The following UGT2A1 variants were observed in gnomAD, a reference collection of about 807,000 sequenced individuals.
UGT2A1 encodes UDP-glucuronosyltransferase 2A1.
In UGT2A1, 61 loss-of-function variants were observed where a neutral mutation model predicts 45.4. The ratio of observed to expected loss-of-function variants is 1.34; its 90% CI spans 1.09 to 1.66. The LOEUF is 1.66. Ranked by LOEUF, UGT2A1 falls within the 40% of genes most tolerant of loss-of-function variation. The pLI is 0.00. For synonymous variants in UGT2A1, 229 were observed against 196.2 expected (o/e 1.17, Z -1.40); for missense variants, 649 against 574.3 (o/e 1.13, Z -1.33).
chr4:69,646,885 CT>C (rs757640239), intron 2 of UGT2A1, 44 bp downstream of exon 2: 1 of 1,360,456 alleles, frequency 7.4e-7, no homozygotes, highest in East Asian at 2.3e-5. Context: ...CTACAAAGGT[CT>C]GTTTGTTCAA....
intron 6 of UGT2A1, among the ~76,000 whole-genome samples, chr4:69,592,569 G>T (rs1260191223): frequency 1.3e-5 from 2 of 151,946 alleles, no homozygotes; most frequent in Non-Finnish European, 2.9e-5. Flanking sequence ...ACAGTTGAAA[G>T]AATTAATAAA....
intron 2 of UGT2A1, among the ~76,000 whole-genome samples, chr4:69,637,995 G>A (rs1721814385): frequency 6.7e-6 from 1 of 149,162 alleles, no homozygotes; most frequent in Non-Finnish European, 1.5e-5. Context: ...AAGGAAGGCA[G>A]GCAGGAAGGA....
chr4:69,640,628 C>A (rs1019444759), intron 2 of UGT2A1, among the ~76,000 whole-genome samples: 1 of 151,654 alleles, frequency 6.6e-6, no homozygotes, highest in Non-Finnish European at 1.5e-5. Context: ...GGATAAAAAT[C>A]AAAAATTAAG....
At chr4:69,637,328 A>C (rs1021173281) in intron 2 of UGT2A1, among the ~76,000 whole-genome samples, 1 of 152,162 alleles carries the variant, frequency 6.6e-6, no homozygotes, top group African/African-American at 2.4e-5. Context: ...AAATTCTAAG[A>C]AAAAGTTGAA....
chr4:69,635,694 C>T lies in UGT2A1; in HGVS notation c.844G>A (p.Ala282Thr). ...AAAATACAAAAATTAGCCTGACCTGCTGGCAGCCTGTAATCCCAACTACAA... is the reference window on the plus strand; with the variant it reads ...AAAATACAAAAATTAGCCTGACCTGTTGGCAGCCTGTAATCCCAACTACAA... ...LHCSWDYRLPAGRPTTLCETM... is the reference protein window; with the variant it reads ...LHCSWDYRLPTGRPTTLCETM... The change falls in exon 3 of 7, where the codon GCA (alanine) becomes ACA (threonine). Residue 282 changes from alanine to threonine, a missense_variant. Coordinates refer to ENST00000286604, the MANE Select transcript of UGT2A1 (RefSeq NM_001252275.3). The T allele has an allele frequency of 3.5e-6, 1 of 283,908 alleles. No homozygotes were observed. The allele number at this position is 283,908 out of a possible 1,614,324, so 17.6% of individuals were successfully genotyped here.
intron 3 of UGT2A1, among the ~76,000 whole-genome samples, chr4:69,624,255 C>A (rs1446147569): frequency 2.6e-5 from 4 of 151,518 alleles, no homozygotes; most frequent in East Asian, 1.9e-4. Flanking sequence ...ATAATCATTT[C>A]TCTGAAGGTC....
At chr4:69,621,572 C>T (rs745907362) in intron 3 of UGT2A1, among the ~76,000 whole-genome samples, 3 of 151,672 alleles carry the variant, frequency 2.0e-5, no homozygotes, top group Non-Finnish European at 4.4e-5. Context: ...ATTAGTTCAC[C>T]CATTGTGGAA....
intron 4 of UGT2A1, among the ~76,000 whole-genome samples, chr4:69,597,599 G>A (rs1719005383): frequency 3.9e-5 from 6 of 152,118 alleles, no homozygotes; most frequent in Admixed American, 3.9e-4. Flanking sequence ...TATCTTAAGT[G>A]AAAATAGATT....
At chr4:69,628,338 C>T (rs1721205976) in intron 3 of UGT2A1, among the ~76,000 whole-genome samples, 1 of 151,848 alleles carries the variant, frequency 6.6e-6, no homozygotes, top group Non-Finnish European at 1.5e-5. Flanking sequence ...CTGCAGACAT[C>T]ACACTCCCTA....
intron 3 of UGT2A1, among the ~76,000 whole-genome samples, chr4:69,615,318 A>G (rs991406434): frequency 6.6e-6 from 1 of 152,044 alleles, no homozygotes; most frequent in African/African-American, 2.4e-5. Context: ...GGCAGATTTG[A>G]TTAATAAGAC....
intron 1 of UGT2A1, among the ~76,000 whole-genome samples, chr4:69,649,516 T>C (rs1722425216): frequency 6.6e-6 from 1 of 152,058 alleles, no homozygotes. Flanking sequence ...ATTCAGGTGC[T>C]ATTGAGAGAG....
At position 69,604,430 on chromosome 4, in the gene UGT2A1, TAGAA is replaced by T. The variant is rs1399769319; in HGVS notation, c.848-5040_848-5037del. On this transcript the variant is annotated intron_variant, in intron 3 of 6. Transcript: ENST00000286604. Reference sequence around the variant, plus strand: ...GAGCTCCTGAAGGAAGCACTAAACATAGAAAGGAACAACCAGTACCAGCCACTGC... The same window carrying T: ...GAGCTCCTGAAGGAAGCACTAAACATAGGAACAACCAGTACCAGCCACTGC... 1.5e-5 allele frequency among the ~76,000 whole-genome samples: 2 copies of T among 136,396 alleles called. 1 individual carries two copies. Among genetic ancestry groups the T allele is most frequent in the African/African-American group, 5.9e-5 (2 of 33,712 alleles). 89.5% of individuals were successfully genotyped at this position (136,396 alleles called of 152,430 possible). A position where few individuals can be genotyped will look rare whatever the true frequency, so the allele number is the denominator to read the frequency against.
At chr4:69,610,651 G>T (rs148288709) in intron 3 of UGT2A1, among the ~76,000 whole-genome samples, 4 of 152,114 alleles carry the variant, frequency 2.6e-5, no homozygotes, top group Admixed American at 1.3e-4. Flanking sequence ...TCAAGGGTGG[G>T]TCTCTAATCC....
intron 6 of UGT2A1, among the ~76,000 whole-genome samples, chr4:69,592,083 A>T (rs890479037): frequency 6.6e-6 from 1 of 152,160 alleles, no homozygotes; most frequent in Non-Finnish European, 1.5e-5. Context: ...TCTTTTTTGA[A>T]ATGAATACAT....
At chr4:69,596,697 T>G (rs1718955063) in intron 4 of UGT2A1, among the ~76,000 whole-genome samples, 1 of 152,118 alleles carries the variant, frequency 6.6e-6, no homozygotes, top group African/African-American at 2.4e-5. Flanking sequence ...GAGTTTTGTA[T>G]TTTTAGTAGA....
intron 3 of UGT2A1, among the ~76,000 whole-genome samples, chr4:69,627,960 C>A (rs115568161): frequency 9.0e-4 from 137 of 151,916 alleles, no homozygotes; most frequent in African/African-American, 3.0e-3. Flanking sequence ...ACTTCCATTC[C>A]ACAGATTGCC....
intron 1 of UGT2A1, 48 bp from the exon 2 acceptor site, chr4:69,647,746 C>T: frequency 1.2e-6 from 1 of 840,134 alleles, no homozygotes; most frequent in East Asian, 2.8e-5. Context: ...AATTTTGAGG[C>T]AAACCATTAA....
In UGT2A1 at chr4:69,639,747, A is replaced by G. The variant is rs183487130; in HGVS notation, c.716-3925T>C. 3.7e-4 allele frequency: 391 copies of G among 1,067,456 alleles called. 1 individual carries two copies. In the African/African-American group the frequency reaches 5.7e-3, roughly 16 times the overall value. 66.1% of individuals were successfully genotyped at this position (1,067,456 alleles called of 1,614,324 possible). ...GATGGTTACACTCAGTCGTAGGTCA[A>G]TTGATCTTTAGATTAAAAGGTAAAT... On this transcript the variant is annotated intron_variant, in intron 2 of 6. Transcript: ENST00000286604.
intron 2 of UGT2A1, chr4:69,639,397 C>G: frequency 6.2e-7 from 1 of 1,613,514 alleles, no homozygotes; most frequent in Non-Finnish European, 8.5e-7. Flanking sequence ...ACAGGTATCA[C>G]TTCAAAATTC....
Sources: allele counts gnomAD v4.1 joint callset (sites outside exome capture counted in the v4.1 genomes callset), GRCh38; gene constraint gnomAD v4.1.1; transcripts MANE v1.5; gene names NCBI Gene and HGNC (gene_info 2026-07-23, HGNC 2026-07-21).